The following CALN1 variants were observed in gnomAD, a reference collection of about 807,000 sequenced individuals.
CALN1 encodes the protein calneuron 1.
CALN1 carries 17 observed loss-of-function variants against 30.6 expected under a neutral mutation model. The ratio of observed to expected loss-of-function variants is 0.56; its 90% CI spans 0.38 to 0.83. CALN1 has a LOEUF of 0.83. CALN1 is among the 40% of genes least tolerant of loss of function. CALN1 has a pLI of 0.00. For missense variants in CALN1, 291 were observed against 354.9 expected (o/e 0.82, Z 1.45); for synonymous variants, 156 against 131.4 (o/e 1.19, Z -1.28).
At chr7:72,477,215 A>AAAAAAAAG in the CALN1 span, among the ~76,000 whole-genome samples, 2,905 of 152,064 alleles carry the variant, frequency 0.019, 87 homozygotes, top group African/African-American at 0.066. Flanking sequence ...TCTCAACAAA[A>AAAAAAAAG]AAAGAAAGAA....
Position 71,783,807 on chromosome 7 carries a change from A to G in CALN1, c.*3968T>C, listed in dbSNP as rs1449316128. ...TGAATGGGAAGTTGGGAGGGGCATT[A>G]TTGTCAAAAGCAGCTGTCCATTTTT... On this transcript the variant is annotated 3_prime_UTR_variant, in exon 7 of 7. Transcript: ENST00000395275. 6.6e-6 allele frequency: 1 copy of G among 152,644 alleles called. No homozygotes were observed. Among genetic ancestry groups the G allele is most frequent in the Non-Finnish European group, 1.5e-5 (1 of 68,044 alleles). The allele number at this position is 152,644 out of a possible 1,614,324, so 9.5% of individuals were successfully genotyped here.
intron 5 of CALN1, among the ~76,000 whole-genome samples, chr7:71,841,418 A>G (rs1789930159): frequency 6.6e-6 from 1 of 152,204 alleles, no homozygotes; most frequent in Non-Finnish European, 1.5e-5. Context: ...TTCCAACAAG[A>G]TCAACAAATC....
At chr7:72,310,430 T>C (rs1799959655) in intron 2 of CALN1, among the ~76,000 whole-genome samples, 1 of 150,328 alleles carries the variant, frequency 6.7e-6, no homozygotes, top group African/African-American at 2.5e-5. Context: ...GATGCAGCAG[T>C]GCTAATATCA....
chr7:72,466,892 A>C, the CALN1 span, among the ~76,000 whole-genome samples: 2 of 152,032 alleles, frequency 1.3e-5, no homozygotes, highest in African/African-American at 4.8e-5. Flanking sequence ...GAAAGAAAAG[A>C]AAAAGAAAGA....
chr7:72,201,527 G>T (rs952623049), intron 3 of CALN1, among the ~76,000 whole-genome samples: 4 of 151,840 alleles, frequency 2.6e-5, no homozygotes, highest in African/African-American at 9.7e-5. Flanking sequence ...GTAGGCAAAG[G>T]CTGCAGTGAG....
chr7:72,220,596 T>C (rs1407939866), intron 3 of CALN1, among the ~76,000 whole-genome samples: 2 of 152,182 alleles, frequency 1.3e-5, no homozygotes, highest in African/African-American at 4.8e-5. Flanking sequence ...TTTCTAGTTC[T>C]AGATCCCTGA....
chr7:72,425,410 G>A (rs759264533), intron 1 of CALN1, among the ~76,000 whole-genome samples: 24 of 152,106 alleles, frequency 1.6e-4, no homozygotes, highest in Non-Finnish European at 2.5e-4. Flanking sequence ...CACCACGCTC[G>A]GCCTCCTGCC....
At chr7:72,181,483 T>C (rs1406844435) in intron 3 of CALN1, among the ~76,000 whole-genome samples, 1 of 83,550 alleles carries the variant, frequency 1.2e-5, no homozygotes, top group Non-Finnish European at 2.1e-5. Context: ...AGGATTTCCA[T>C]AACTTTTTTT....
intron 5 of CALN1, 31 bp downstream of exon 5, chr7:72,023,626 A>T: frequency 6.4e-7 from 1 of 1,551,608 alleles, no homozygotes; most frequent in Non-Finnish European, 8.9e-7. Context: ...TTACTGTCAA[A>T]CTTAGTCTGA....
intron 3 of CALN1, among the ~76,000 whole-genome samples, chr7:72,152,283 C>G (rs1787314239): frequency 6.6e-6 from 1 of 152,138 alleles, no homozygotes; most frequent in African/African-American, 2.4e-5. Context: ...CCAGGGTTCT[C>G]TGTGAAAACA....
chr7:72,187,499 C>CA (rs1219037388), intron 3 of CALN1, among the ~76,000 whole-genome samples: 8 of 152,134 alleles, frequency 5.3e-5, no homozygotes, highest in Admixed American at 2.0e-4. Context: ...CTCATAGGAG[C>CA]ATAAGCCCTT....
chr7:72,335,931 G>C (rs1160191518), intron 2 of CALN1, among the ~76,000 whole-genome samples: 1 of 152,136 alleles, frequency 6.6e-6, no homozygotes, highest in Non-Finnish European at 1.5e-5. Flanking sequence ...CAAGTCTCGG[G>C]AAGTTCACTC....
rs186915566 is a variant in CALN1, at chr7:72,016,749, C to T, written c.501+6908G>A. On this transcript the variant is annotated intron_variant, in intron 5 of 6. Coordinates refer to ENST00000395275, the MANE Select transcript of CALN1 (RefSeq NM_031468.4). ...AGTAATTTTAAAACCAAACCACCTGCCCATCTCTGCCATCACGGTGGGACC... is the reference window on the plus strand; with the variant it reads ...AGTAATTTTAAAACCAAACCACCTGTCCATCTCTGCCATCACGGTGGGACC... 1.3e-4 allele frequency among the ~76,000 whole-genome samples: 19 copies of T among 151,894 alleles called. No homozygotes were observed. The East Asian group carries it at 3.7e-3, about 29-fold the overall frequency.
intron 5 of CALN1, among the ~76,000 whole-genome samples, chr7:71,897,981 A>AAAAC (rs1793626646): frequency 1.7e-5 from 2 of 120,820 alleles, no homozygotes; most frequent in African/African-American, 7.8e-5. Flanking sequence ...ACAAAAAAAA[A>AAAAC]AAAAAAAAAA....
intron 5 of CALN1, among the ~76,000 whole-genome samples, chr7:71,868,575 T>C (rs547577239): frequency 1.3e-5 from 2 of 152,092 alleles, no homozygotes; most frequent in Admixed American, 6.5e-5. Context: ...TTTCGCCACG[T>C]TAGCTGGGTT....
chr7:72,483,473 C>T, the CALN1 span, among the ~76,000 whole-genome samples: 2 of 151,798 alleles, frequency 1.3e-5, no homozygotes, highest in Admixed American at 6.6e-5. Context: ...TTAGTAGAGA[C>T]GGAGTTTCAC....
chr7:72,360,142 T>C (rs1266641384), intron 2 of CALN1, among the ~76,000 whole-genome samples: 2 of 152,106 alleles, frequency 1.3e-5, no homozygotes, highest in Non-Finnish European at 2.9e-5. Flanking sequence ...TAAAGGACAT[T>C]ATTGCAACAA....
At chr7:71,789,624 G>T (rs1353313015) in intron 6 of CALN1, among the ~76,000 whole-genome samples, 1 of 152,116 alleles carries the variant, frequency 6.6e-6, no homozygotes, top group African/African-American at 2.4e-5. Flanking sequence ...CAGAGGCAGG[G>T]TGTCCTGCCT....
chr7:72,338,216 T>C (rs1262298412), intron 2 of CALN1, among the ~76,000 whole-genome samples: 1 of 152,052 alleles, frequency 6.6e-6, no homozygotes, highest in African/African-American at 2.4e-5. Context: ...AGCAGGCTAG[T>C]CCTTCCTTAC....
Sources: allele counts gnomAD v4.1 joint callset (sites outside exome capture counted in the v4.1 genomes callset), GRCh38; gene constraint gnomAD v4.1.1; transcripts MANE v1.5; gene names NCBI Gene and HGNC (gene_info 2026-07-23, HGNC 2026-07-21).